Variants in FRMD4A observed in about 807,000 individuals in gnomAD.
FRMD4A encodes FERM domain-containing protein 4A.
A neutral mutation model predicts 129.1 loss-of-function variants in FRMD4A; 29 were observed. That is an observed-to-expected ratio of 0.22 (90% CI 0.17 to 0.31). The LOEUF is 0.31. Ranked by LOEUF, FRMD4A falls within the 10% of genes least tolerant of loss-of-function variation. FRMD4A has a pLI of 1.00. For missense variants in FRMD4A, 1,272 were observed against 1,375.8 expected (o/e 0.92, Z 1.19); for synonymous variants, 634 against 571.6 (o/e 1.11, Z -1.56).
intron 2 of FRMD4A, among the ~76,000 whole-genome samples, chr10:13,865,602 C>A (rs761102347): frequency 5.3e-5 from 8 of 150,878 alleles, no homozygotes; most frequent in Non-Finnish European, 1.0e-4. Context: ...AGGCACACAC[C>A]ACCATGCCCA....
At chr10:14,299,453 T>G (rs780037691) in intron 2 of FRMD4A, among the ~76,000 whole-genome samples, 3 of 152,156 alleles carry the variant, frequency 2.0e-5, no homozygotes, top group Non-Finnish European at 2.9e-5. Context: ...GGTACTTCAC[T>G]TAATATTTAT....
chr10:14,015,536 T>G (rs562253279), intron 2 of FRMD4A, among the ~76,000 whole-genome samples: 2 of 152,224 alleles, frequency 1.3e-5, no homozygotes, highest in Admixed American at 6.5e-5. Flanking sequence ...GACTGAATTG[T>G]GCAGTTTGAC....
At chr10:14,271,658 T>C (rs1451105023) in intron 2 of FRMD4A, among the ~76,000 whole-genome samples, 1 of 152,250 alleles carries the variant, frequency 6.6e-6, no homozygotes, top group Non-Finnish European at 1.5e-5. Context: ...TATTGCCTTC[T>C]TCTTTGTTCA....
intron 2 of FRMD4A, among the ~76,000 whole-genome samples, chr10:14,306,450 A>T (rs1049014850): frequency 1.3e-5 from 2 of 152,240 alleles, no homozygotes; most frequent in Non-Finnish European, 2.9e-5. Context: ...CTTATAATAC[A>T]GCAAACAGCT....
At chr10:13,695,649 C>T (rs779282298) in intron 14 of FRMD4A, among the ~76,000 whole-genome samples, 2 of 152,220 alleles carry the variant, frequency 1.3e-5, no homozygotes, top group Non-Finnish European at 2.9e-5. Flanking sequence ...CTCATCTGTC[C>T]TTTCTGTGGC....
At chr10:13,998,041 C>T (rs1299899990) in intron 2 of FRMD4A, among the ~76,000 whole-genome samples, 8 of 152,306 alleles carry the variant, frequency 5.3e-5, no homozygotes. Flanking sequence ...TTCTGGGATC[C>T]TCTTTCTACC....
At chr10:14,161,659 G>C (rs933345809) in intron 2 of FRMD4A, among the ~76,000 whole-genome samples, 3 of 152,178 alleles carry the variant, frequency 2.0e-5, no homozygotes, top group Admixed American at 2.0e-4. Context: ...CAGAGGCTTG[G>C]AGAGGTGTGT....
intron 12 of FRMD4A, among the ~76,000 whole-genome samples, chr10:13,724,839 G>A (rs186464465): frequency 9.8e-5 from 15 of 152,310 alleles, no homozygotes; most frequent in Admixed American, 9.2e-4. Flanking sequence ...ACAGCAGGTC[G>A]AGGAGACCAG....
intron 2 of FRMD4A, among the ~76,000 whole-genome samples, chr10:14,105,998 A>G (rs993120912): frequency 1.3e-5 from 2 of 151,896 alleles, no homozygotes; most frequent in African/African-American, 2.4e-5. Flanking sequence ...TCTCTGCCTA[A>G]CTCCATTAAT....
At chr10:14,166,271 A>T (rs1180937049) in intron 2 of FRMD4A, among the ~76,000 whole-genome samples, 1 of 151,324 alleles carries the variant, frequency 6.6e-6, no homozygotes, top group Non-Finnish European at 1.5e-5. Flanking sequence ...ACAATTCTTT[A>T]TATATTATTA....
At chr10:13,925,855 T>A (rs1253715895) in intron 2 of FRMD4A, among the ~76,000 whole-genome samples, 1 of 149,958 alleles carries the variant, frequency 6.7e-6, no homozygotes, top group Non-Finnish European at 1.5e-5. Context: ...AGTGCTGGGA[T>A]TACAGGGGTG....
chr10:14,035,267 C>G (rs188541507), intron 2 of FRMD4A, among the ~76,000 whole-genome samples: 32 of 151,996 alleles, frequency 2.1e-4, no homozygotes, highest in Admixed American at 2.6e-4. Context: ...ACAAAATTAG[C>G]TGGGCGTGGT....
At chr10:14,167,861 G>A (rs1456206194) in intron 2 of FRMD4A, among the ~76,000 whole-genome samples, 3 of 152,096 alleles carry the variant, frequency 2.0e-5, no homozygotes, top group African/African-American at 4.8e-5. Context: ...TGTGAAGTAC[G>A]CCAGGCTCAG....
intron 24 of FRMD4A, among the ~76,000 whole-genome samples, chr10:13,650,339 T>A (rs2081455321): frequency 6.6e-6 from 1 of 152,204 alleles, no homozygotes; most frequent in South Asian, 2.1e-4. Flanking sequence ...GCATCCTGTC[T>A]TACCTGGTCT....
At chr10:13,937,227 A>G (rs1364862353) in intron 2 of FRMD4A, among the ~76,000 whole-genome samples, 1 of 152,204 alleles carries the variant, frequency 6.6e-6, no homozygotes, top group Middle Eastern at 3.2e-3. Context: ...CACTCCTTCA[A>G]TAACAGCAAC....
intron 3 of FRMD4A, among the ~76,000 whole-genome samples, chr10:13,820,738 G>A (rs1012724588): frequency 2.0e-5 from 3 of 152,170 alleles, no homozygotes; most frequent in East Asian, 1.9e-4. Flanking sequence ...GTTTGGACAC[G>A]CATGGCCGGA....
chr10:14,103,622 T>C (rs776419337), intron 2 of FRMD4A, among the ~76,000 whole-genome samples: 5 of 152,210 alleles, frequency 3.3e-5, no homozygotes, highest in Non-Finnish European at 5.9e-5. Context: ...TTTTATTATG[T>C]GAAGCTGAAT....
chr10:13,945,180 A>G lies in FRMD4A; in HGVS notation c.46-86268T>C, dbSNP rs1228793849. On this transcript the variant is annotated intron_variant, in intron 2 of 24. Transcript: ENST00000357447. ...AGAAGTTGAGTGAATGAACAGGGGC[A>G]TAAAAAGGAAGGGATTTCTTTGGTA... 3.9e-5 allele frequency among the ~76,000 whole-genome samples: 6 copies of G among 152,368 alleles called. No homozygotes were observed. The East Asian group carries it at 9.6e-4, about 24-fold the overall frequency.
chr10:13,966,970 T>A (rs768386514), intron 2 of FRMD4A, among the ~76,000 whole-genome samples: 8 of 152,226 alleles, frequency 5.3e-5, no homozygotes, highest in Non-Finnish European at 7.3e-5. Flanking sequence ...GAAGTAACTC[T>A]GGAATGGAAA....
Sources: gnomAD v4.1 joint callset for allele counts (sites outside exome capture counted in the v4.1 genomes callset) on GRCh38, gnomAD v4.1.1 for gene constraint, MANE v1.5 for transcripts, NCBI Gene and HGNC (gene_info 2026-07-23, HGNC 2026-07-21) for gene names.